PTOV1: variants seen among roughly 807,000 people sequenced by gnomAD.
PTOV1 encodes the protein prostate tumor-overexpressed gene 1 protein.
In PTOV1, 20 loss-of-function variants were observed where a neutral mutation model predicts 58.0. That is an observed-to-expected ratio of 0.34 (90% confidence interval 0.24 to 0.50). PTOV1 has a LOEUF of 0.50. PTOV1 is among the 20% of genes least tolerant of loss of function. PTOV1 has a pLI of 0.98. For synonymous variants in PTOV1, 335 were observed against 234.2 expected, an observed-to-expected ratio of 1.43 and a Z score of -3.93; for missense variants, 593 against 565.4, an observed-to-expected ratio of 1.05 and a Z score of -0.50.
rs1211249976 is a variant in PTOV1 at position 49,857,007 on chromosome 19, CTG to C, written c.594_595del (p.Cys198Ter). 1.2e-6 allele frequency: 2 copies of C among 1,613,638 alleles called. No homozygotes were observed. Among genetic ancestry groups the C allele is most frequent in the Non-Finnish European group, 1.7e-6 (2 of 1,179,946 alleles). On this transcript the variant is annotated frameshift_variant, in exon 6 of 12. Transcript: ENST00000391842. LOFTEE classifies it high-confidence loss of function. ...GCATGCTGTTCCCCCACATCTCCCC[CTG>C]TGAGGTGCGCGTGCTCATGCTCCTG...
chr19:49,857,823 C>T (rs376371413), intron 7 of PTOV1, 41 bp downstream of exon 7: 160 of 1,612,882 alleles, frequency 9.9e-5, no homozygotes, highest in Non-Finnish European at 1.3e-4. Flanking sequence ...CCCCCAGATC[C>T]TCACGGACTG....
intron 5 of PTOV1, chr19:49,856,147 C>T (rs3786663): frequency 0.34 from 51,372 of 152,066 alleles, 8,865 homozygotes; most frequent in Middle Eastern, 0.42. Context: ...TTAAGTGACC[C>T]GTTCCCCCTT....
In PTOV1 at chr19:49,856,962, GCGGCC is replaced by G; in HGVS notation, c.559-11_559-7del. On this transcript the variant is annotated splice_region_variant and splice_polypyrimidine_tract_variant and intron_variant, in intron 5 of 11. Transcript: ENST00000391842. Reference sequence around the variant, plus strand: ...GGCAGTGACCACAGGGTCCTGACCCGCGGCCCCCGCAGGCGGGCTGCATGCTGTTC... The same window carrying G: ...GGCAGTGACCACAGGGTCCTGACCCGCCCGCAGGCGGGCTGCATGCTGTTC... The G allele has an allele frequency of 1.2e-6, 2 of 1,611,988 alleles. No homozygotes were observed.
At chr19:49,859,365 T>A in intron 10 of PTOV1, 1 of 152,428 alleles carries the variant, frequency 6.6e-6, no homozygotes, top group Non-Finnish European at 1.5e-5. Context: ...CCGAGGCGGG[T>A]GGATCACCTG....
chr19:49,855,256 G>C, intron 5 of PTOV1, 179 bp downstream of exon 5: 1 of 621,190 alleles, frequency 1.6e-6, no homozygotes, highest in South Asian at 1.9e-5. Flanking sequence ...AGAGCACAGG[G>C]TGAAGGAACT....
chr19:49,851,486 C>T (rs2074244622), exon 1 of PTOV1: 2 of 1,220,644 alleles, frequency 1.6e-6, no homozygotes, highest in South Asian at 4.1e-5. Flanking sequence ...CGGGCCCGCT[C>T]GGCCCCTCCC....
chr19:49,856,834 C>T (rs2074490338), intron 5 of PTOV1, 141 bp from the exon 6 acceptor site: 3 of 1,018,738 alleles, frequency 2.9e-6, no homozygotes, highest in Non-Finnish European at 4.2e-6. Flanking sequence ...AGGCCCCTCA[C>T]CTATGGCCAT....
intron 1 of PTOV1, chr19:49,851,947 C>T (rs1312557485): frequency 8.1e-6 from 8 of 985,396 alleles, no homozygotes; most frequent in Non-Finnish European, 8.4e-6. Flanking sequence ...GGCGTTCTCC[C>T]CTGGCGGCCG....
exon 12 of PTOV1, chr19:49,860,328 CAG>C (rs200876443): frequency 0.031 from 50,305 of 1,602,454 alleles, 1,071 homozygotes; most frequent in Non-Finnish European, 0.036. Flanking sequence ...GAGGCCCCCG[CAG>C]AGACTGGTGA....
At chr19:49,857,631 G>A (rs1207782790) in intron 6 of PTOV1, 62 bp from the exon 7 acceptor site, 16 of 1,490,706 alleles carry the variant, frequency 1.1e-5, no homozygotes, top group Non-Finnish European at 1.4e-5. Flanking sequence ...CAGGCCCCAG[G>A]ACAGACAGAC....
At chr19:49,851,253 C>T in exon 1 of PTOV1, 1 of 1,119,644 alleles carries the variant, frequency 8.9e-7, no homozygotes, top group Non-Finnish European at 1.1e-6. Context: ...CCCGCGCCCG[C>T]GCCCCTCAGT....
exon 12 of PTOV1, chr19:49,860,314 A>C (rs2074696816): frequency 1.4e-6 from 2 of 1,454,614 alleles, no homozygotes; most frequent in African/African-American, 1.4e-5. Flanking sequence ...CAGGAGTCAC[A>C]GATGAGGCCC....
chr19:49,856,971 G>A lies in PTOV1; in HGVS notation c.559-4G>A, dbSNP rs112290271. On this transcript the variant is annotated splice_region_variant and splice_polypyrimidine_tract_variant and intron_variant, in intron 5 of 11. Coordinates refer to ENST00000391842, the Ensembl canonical transcript of PTOV1. ...CACAGGGTCCTGACCCGCGGCCCCC[G>A]CAGGCGGGCTGCATGCTGTTCCCCC... 2,031 of 1,612,396 alleles carry A rather than the reference G, an allele frequency of 1.3e-3. 19 individuals carry two copies. The African/African-American group carries it at 0.022, about 18-fold the overall frequency.
At chr19:49,850,758 T>A (rs1245671803), upstream of PTOV1, 30 of 1,247,338 alleles carry the variant, frequency 2.4e-5, no homozygotes, top group Admixed American at 8.9e-5. Flanking sequence ...TCGGGTGCAA[T>A]CCGTACCCTC....
chr19:49,860,204 G>A (rs2074689184), intron 11 of PTOV1, 21 bp downstream of exon 11: 2 of 1,613,934 alleles, frequency 1.2e-6, no homozygotes, highest in Non-Finnish European at 1.7e-6. Context: ...CGGCCTCCAG[G>A]GCTGCTCAGT....
intron 2 of PTOV1, 38 bp downstream of exon 2, chr19:49,854,581 T>G (rs2074379036): frequency 9.3e-6 from 15 of 1,612,584 alleles, no homozygotes; most frequent in Admixed American, 1.7e-5. Context: ...CTCCAGGGTC[T>G]TGTCTTGTCC....
At chr19:49,858,815 TC>T in intron 10 of PTOV1, 162 bp downstream of exon 10, 1 of 625,356 alleles carries the variant, frequency 1.6e-6, no homozygotes, top group Non-Finnish European at 2.8e-6. Flanking sequence ...CTCTGTGCTG[TC>T]CCCACGGCAC....
At chr19:49,857,850 C>T in intron 7 of PTOV1, 54 bp from the exon 8 acceptor site, 3 of 1,612,078 alleles carry the variant, frequency 1.9e-6, no homozygotes, top group Non-Finnish European at 2.5e-6. Flanking sequence ...GGAGGGGACA[C>T]TGGCATTGGG....
At position 49,857,288 on chromosome 19, in the gene PTOV1, G is replaced by C. The variant is rs1053955622; in HGVS notation, c.714+158G>C. On this transcript the variant is annotated intron_variant, in intron 6 of 11. Transcript: ENST00000391842. ...GGATGCCGGGCGGGTTCCCACCAGG[G>C]CTCCATGGAAAAGCGGCCACTGGGC... is the stretch of plus-strand genomic sequence containing the variant. The C allele has an allele frequency of 2.4e-5, 26 of 1,084,104 alleles. No homozygotes were observed. In the African/African-American group the frequency reaches 3.3e-4, roughly 14 times the overall value. 67.2% of individuals were successfully genotyped at this position (1,084,104 alleles called of 1,614,324 possible). A position where few individuals can be genotyped will look rare whatever the true frequency, so the allele number is the denominator to read the frequency against.
Sources: gnomAD v4.1 joint callset for allele counts on GRCh38, gnomAD v4.1.1 for gene constraint, MANE v1.5 for transcripts, NCBI Gene and HGNC (gene_info 2026-07-23, HGNC 2026-07-21) for gene names.